The following TSC22D1 variants were observed in gnomAD, a reference collection of about 807,000 sequenced individuals.
The protein encoded by TSC22D1 is TSC22 domain family member 1, also known as TSC22 domain family protein 1.
TSC22D1 carries 9 observed loss-of-function variants against 74.2 expected under a neutral mutation model. The ratio of observed to expected loss-of-function variants is 0.12; its 90% CI spans 0.07 to 0.21. The LOEUF is 0.21. Among genes scored for constraint, TSC22D1 ranks in the 10% least tolerant of loss-of-function variants. TSC22D1 has a pLI of 1.00. For synonymous variants in TSC22D1, 586 were observed against 492.5 expected (o/e 1.19, Z -2.51); for missense variants, 1,427 against 1,304.7 (o/e 1.09, Z -1.44).
intron 1 of TSC22D1, among the ~76,000 whole-genome samples, chr13:44,536,380 T>C (rs1279943766): frequency 6.6e-6 from 1 of 151,926 alleles, no homozygotes; most frequent in African/African-American, 2.4e-5. Context: ...ATAGAAAAGG[T>C]AAATTGTTCC....
intron 1 of TSC22D1, among the ~76,000 whole-genome samples, chr13:44,504,460 T>C (rs1179299123): frequency 1.3e-5 from 2 of 151,866 alleles, no homozygotes; most frequent in Admixed American, 6.6e-5. Context: ...AAAAATTAGG[T>C]GGACGTGGTG....
intron 1 of TSC22D1, among the ~76,000 whole-genome samples, chr13:44,571,357 AT>A (rs1883754358): frequency 6.6e-6 from 1 of 152,160 alleles, no homozygotes; most frequent in African/African-American, 2.4e-5. Flanking sequence ...CCCTATTCCT[AT>A]AGTTAAAACT....
At chr13:44,534,450 C>T (rs913570513) in intron 1 of TSC22D1, among the ~76,000 whole-genome samples, 3 of 149,884 alleles carry the variant, frequency 2.0e-5, no homozygotes, top group Non-Finnish European at 4.4e-5. Flanking sequence ...CTGCATTTTT[C>T]GATGTTATCC....
At chr13:44,502,181 A>C (rs1476995506) in intron 1 of TSC22D1, among the ~76,000 whole-genome samples, 1 of 152,168 alleles carries the variant, frequency 6.6e-6, no homozygotes, top group African/African-American at 2.4e-5. Context: ...CAAATGTTGG[A>C]TGCCTTCCTG....
chr13:44,561,764 G>A (rs1313607927), intron 1 of TSC22D1, among the ~76,000 whole-genome samples: 1 of 151,972 alleles, frequency 6.6e-6, no homozygotes, highest in African/African-American at 2.4e-5. Flanking sequence ...AATATTTAAA[G>A]CAGCTTACAA....
At chr13:44,468,722 G>C (rs912807703) in intron 1 of TSC22D1, among the ~76,000 whole-genome samples, 1 of 149,728 alleles carries the variant, frequency 6.7e-6, no homozygotes, top group African/African-American at 2.4e-5. Context: ...AAAATCAACA[G>C]TATCTCCTAT....
chr13:44,546,777 G>GGTAT (rs1881855674), intron 1 of TSC22D1, among the ~76,000 whole-genome samples: 1 of 101,784 alleles, frequency 9.8e-6, no homozygotes, highest in Non-Finnish European at 2.2e-5. Flanking sequence ...TGTGTGTGTA[G>GGTAT]GTATGTATGT....
chr13:44,558,725 G>T (rs781373452), intron 1 of TSC22D1, among the ~76,000 whole-genome samples: 7 of 152,252 alleles, frequency 4.6e-5, no homozygotes, highest in Non-Finnish European at 8.8e-5. Flanking sequence ...GGGTGACAGA[G>T]CAAGACTCCA....
Position 44,466,046 on chromosome 13 carries a change from A to AT in TSC22D1, c.2913-29952dup, listed in dbSNP as rs772485036. ...AATTAGCAAATAAGACTGTTTGTTC[A>AT]TTTTTCCCAACAAAATTTACAAGGA... On this transcript the variant is annotated intron_variant, in intron 1 of 2. Transcript: ENST00000458659. Among the ~76,000 whole-genome samples, 29 of 152,310 alleles carry AT rather than the reference A, an allele frequency of 1.9e-4. No homozygotes were observed. The East Asian group carries it at 5.2e-3, about 27-fold the overall frequency.
At position 44,433,922 on chromosome 13, in the gene TSC22D1, C is replaced by T; in HGVS notation, c.*704G>A. On this transcript the variant is annotated 3_prime_UTR_variant, in exon 3 of 3. Transcript: ENST00000458659. ...AACAACTAAATTTCAATCTGTACAA[C>T]CTAAATAGTAGTTACAGTCCTCTAT... 6.8e-7 allele frequency: 1 copy of T among 1,463,178 alleles called. No individual in the cohort carries two copies. The highest frequency in any genetic ancestry group is 9.1e-7 in the Non-Finnish European group (1 of 1,098,922). The allele number at this position is 1,463,178 out of a possible 1,614,324, so 90.6% of individuals were successfully genotyped here.
chr13:44,466,461 G>C (rs967486130), intron 1 of TSC22D1, among the ~76,000 whole-genome samples: 1 of 152,100 alleles, frequency 6.6e-6, no homozygotes, highest in African/African-American at 2.4e-5. Context: ...TCACAGGAGG[G>C]GATATTTTAA....
chr13:44,539,927 A>C (rs1430764522), intron 1 of TSC22D1: 1 of 1,289,348 alleles, frequency 7.8e-7, no homozygotes, highest in Non-Finnish European at 1.0e-6. Context: ...AGAAGCACTG[A>C]AATAGAGAGC....
rs138822792 is a variant in TSC22D1, at chr13:44,538,411, T to G, written c.2912+34752A>C. The G allele has an allele frequency of 9.3e-5, 92 of 985,388 alleles. 1 individual carries two copies. The East Asian group carries it at 9.4e-3, about 101-fold the overall frequency. 61.0% of individuals were successfully genotyped at this position (985,388 alleles called of 1,614,324 possible). A position where few individuals can be genotyped will look rare whatever the true frequency, so the allele number is the denominator to read the frequency against. ...CCCTTTATTTACTAGTTACTTTCAG[T>G]GTCAGGCAACAAAAAAAACCATTTC... is the stretch of plus-strand genomic sequence containing the variant. On this transcript the variant is annotated intron_variant, in intron 1 of 2. Transcript: ENST00000458659.
rs569165020 is a variant in TSC22D1, at chr13:44,483,788, T to A, written c.2913-47693A>T. On this transcript the variant is annotated intron_variant, in intron 1 of 2. Coordinates refer to ENST00000458659, the MANE Select transcript of TSC22D1 (RefSeq NM_183422.4). ...ACATTCTACAGACTGGTCAATTAAG[T>A]TAAAGGACATGCAGAAAGATGCTGG... 3.7e-4 allele frequency among the ~76,000 whole-genome samples: 56 copies of A among 152,294 alleles called. No homozygotes were observed. In the South Asian group the frequency reaches 0.012, roughly 32 times the overall value.
At chr13:44,557,559 C>G (rs1282909516) in intron 1 of TSC22D1, among the ~76,000 whole-genome samples, 1 of 152,196 alleles carries the variant, frequency 6.6e-6, no homozygotes, top group Non-Finnish European at 1.5e-5. Flanking sequence ...TTCATATAAA[C>G]TATCATTTTT....
At chr13:44,467,009 A>G (rs1226223628) in intron 1 of TSC22D1, among the ~76,000 whole-genome samples, 1 of 151,974 alleles carries the variant, frequency 6.6e-6, no homozygotes, top group Non-Finnish European at 1.5e-5. Flanking sequence ...CTAAAAATAC[A>G]AAAATTAGCC....
In TSC22D1 at chr13:44,434,207, A is replaced by AGGAGAGAGGCGAGTCCAGTGAGGAGC; in HGVS notation, c.*393_*418dup. The AGGAGAGAGGCGAGTCCAGTGAGGAGC allele has an allele frequency of 6.9e-7, 1 of 1,447,250 alleles. No homozygotes were observed. The highest frequency in any genetic ancestry group is 9.0e-7 in the Non-Finnish European group (1 of 1,114,542). 89.7% of individuals were successfully genotyped at this position (1,447,250 alleles called of 1,614,324 possible). On this transcript the variant is annotated 3_prime_UTR_variant, in exon 3 of 3. Coordinates refer to ENST00000458659, the MANE Select transcript of TSC22D1 (RefSeq NM_183422.4). ...TTCAAGTTCCTCCTGGGGGGAGGAGAGGAGAGAGGCGAGTCCAGTGAGGAG... is the reference window on the plus strand; with the variant it reads ...TTCAAGTTCCTCCTGGGGGGAGGAGAGGAGAGAGGCGAGTCCAGTGAGGAGCGGAGAGAGGCGAGTCCAGTGAGGAG...
At chr13:44,561,997 T>C (rs1334076492) in intron 1 of TSC22D1, among the ~76,000 whole-genome samples, 2 of 152,140 alleles carry the variant, frequency 1.3e-5, no homozygotes, top group Non-Finnish European at 2.9e-5. Flanking sequence ...CCTAAGAGAT[T>C]TTATAATCAT....
At chr13:44,455,021 CA>C (rs749598333) in intron 1 of TSC22D1, among the ~76,000 whole-genome samples, 1 of 151,988 alleles carries the variant, frequency 6.6e-6, no homozygotes, top group East Asian at 1.9e-4. Flanking sequence ...ACAAAATGGA[CA>C]AAAGTCTCTG....
Sources: allele counts gnomAD v4.1 joint callset (sites outside exome capture counted in the v4.1 genomes callset), GRCh38; gene constraint gnomAD v4.1.1; transcripts MANE v1.5; gene names NCBI Gene and HGNC (gene_info 2026-07-23, HGNC 2026-07-21).